The following PKNOX2 variants were observed in gnomAD, a reference collection of about 807,000 sequenced individuals.
PKNOX2 encodes homeobox protein PKNOX2.
Under a neutral mutation model 53.1 loss-of-function variants are expected in PKNOX2, and 14 were observed. The observed-to-expected ratio is 0.26, with a 90% CI of 0.17 to 0.41. The LOEUF (loss-of-function observed/expected upper bound fraction) is 0.41, where lower values mean the gene tolerates loss of function less well. PKNOX2 is among the 10% of genes least tolerant of loss of function. The probability of loss-of-function intolerance (pLI) is 1.00; values close to 1 mark genes in which losing one functional copy is unlikely to be tolerated. For synonymous variants in PKNOX2, 257 were observed against 242.8 expected, an observed-to-expected ratio of 1.06 and a Z score of -0.54; for missense variants, 496 against 602.8, an observed-to-expected ratio of 0.82 and a Z score of 1.85.
intron 1 of PKNOX2, among the ~76,000 whole-genome samples, chr11:125,185,817 C>T (rs1056316215): frequency 6.6e-6 from 1 of 152,096 alleles, no homozygotes; most frequent in African/African-American, 2.4e-5. Context: ...GCAAGTATTG[C>T]ATATCAATAC....
intron 7 of PKNOX2, among the ~76,000 whole-genome samples, chr11:125,402,602 A>G (rs2135487296): frequency 6.6e-6 from 1 of 152,322 alleles, no homozygotes; most frequent in South Asian, 2.1e-4. Context: ...AGGAGCTCCC[A>G]GTCTCAGGGA....
chr11:125,428,879 A>G, intron 10 of PKNOX2, 133 bp from the exon 11 acceptor site: 1 of 834,492 alleles, frequency 1.2e-6, no homozygotes, highest in Non-Finnish European at 1.9e-6. Flanking sequence ...CAAACATGAC[A>G]CTTCCCCAAT....
chr11:125,363,592 C>A (rs1235016770), intron 4 of PKNOX2, among the ~76,000 whole-genome samples: 3 of 152,186 alleles, frequency 2.0e-5, no homozygotes, highest in South Asian at 2.1e-4. Flanking sequence ...TCCATGCCTA[C>A]CCTAATGGCC....
chr11:125,196,896 G>A (rs1474008137), intron 1 of PKNOX2, among the ~76,000 whole-genome samples: 1 of 152,188 alleles, frequency 6.6e-6, no homozygotes, highest in Non-Finnish European at 1.5e-5. Flanking sequence ...TTTGAGAAGA[G>A]GCCTTTGTAG....
chr11:125,252,922 CTGAT>C (rs1274634503), intron 2 of PKNOX2, among the ~76,000 whole-genome samples: 1 of 152,172 alleles, frequency 6.6e-6, no homozygotes, highest in Non-Finnish European at 1.5e-5. Context: ...GAGCAGGTCA[CTGAT>C]TGGCTCCAAC....
chr11:125,421,687 G>C, intron 10 of PKNOX2, among the ~76,000 whole-genome samples: 1 of 152,376 alleles, frequency 6.6e-6, no homozygotes, highest in East Asian at 1.9e-4. Flanking sequence ...TCAGAGCAAA[G>C]GGCTATGCAC....
intron 2 of PKNOX2, among the ~76,000 whole-genome samples, chr11:125,263,105 C>T (rs961987333): frequency 6.6e-6 from 1 of 152,182 alleles, no homozygotes; most frequent in Non-Finnish European, 1.5e-5. Context: ...CGGGTGCCAG[C>T]CCTAGCTCTA....
chr11:125,316,000 G>A (rs949863946), intron 2 of PKNOX2, among the ~76,000 whole-genome samples: 4 of 152,188 alleles, frequency 2.6e-5, no homozygotes, highest in South Asian at 2.1e-4. Flanking sequence ...AGGAGGCTGC[G>A]CTGGAGTGGA....
chr11:125,362,896 C>G (rs1224469133), intron 4 of PKNOX2, among the ~76,000 whole-genome samples: 1 of 152,146 alleles, frequency 6.6e-6, no homozygotes. Flanking sequence ...TCAGCCCCAC[C>G]CAGATTTTAC....
chr11:125,359,773 C>A (rs146549948), intron 4 of PKNOX2, among the ~76,000 whole-genome samples: 117 of 152,310 alleles, frequency 7.7e-4, no homozygotes, highest in African/African-American at 2.7e-3. Context: ...CCCCAGGGGG[C>A]CAGAACACAA....
chr11:125,391,048 G>A (rs761789977), intron 6 of PKNOX2, among the ~76,000 whole-genome samples: 14 of 152,328 alleles, frequency 9.2e-5, no homozygotes, highest in East Asian at 1.9e-4. Flanking sequence ...ATCATAGCAC[G>A]TTAAGGAATG....
chr11:125,357,136 G>C (rs762414734), intron 4 of PKNOX2, among the ~76,000 whole-genome samples: 1 of 152,190 alleles, frequency 6.6e-6, no homozygotes, highest in Non-Finnish European at 1.5e-5. Flanking sequence ...CCCTTGCTTC[G>C]ACTCACCAAA....
chr11:125,393,506 G>A (rs954523624), intron 6 of PKNOX2, among the ~76,000 whole-genome samples: 21 of 152,156 alleles, frequency 1.4e-4, no homozygotes, highest in African/African-American at 5.1e-4. Flanking sequence ...AGTTTGGACT[G>A]TGCAGCCACC....
intron 4 of PKNOX2, among the ~76,000 whole-genome samples, chr11:125,362,322 C>T (rs1334623860): frequency 1.3e-5 from 2 of 152,102 alleles, no homozygotes; most frequent in Non-Finnish European, 2.9e-5. Flanking sequence ...TGATGATAAC[C>T]TACTGCACAG....
intron 1 of PKNOX2, among the ~76,000 whole-genome samples, chr11:125,224,598 G>T (rs771742460): frequency 3.3e-5 from 5 of 152,200 alleles, no homozygotes; most frequent in Non-Finnish European, 5.9e-5. Context: ...TCTCAGATTG[G>T]TGTTATACCC....
chr11:125,294,203 T>C (rs1947502433), intron 2 of PKNOX2, among the ~76,000 whole-genome samples: 1 of 152,232 alleles, frequency 6.6e-6, no homozygotes, highest in African/African-American at 2.4e-5. Flanking sequence ...CTTGAAGTTG[T>C]TTTTGATATT....
chr11:125,179,509 G>T (rs993398818), intron 1 of PKNOX2, among the ~76,000 whole-genome samples: 1 of 141,796 alleles, frequency 7.1e-6, no homozygotes, highest in Non-Finnish European at 1.5e-5. Context: ...GCATAGAGTT[G>T]AAGGCCCCCC....
chr11:125,398,560 C>T (rs768880442), intron 7 of PKNOX2, among the ~76,000 whole-genome samples: 7 of 152,226 alleles, frequency 4.6e-5, no homozygotes, highest in South Asian at 2.1e-4. Flanking sequence ...CAGGCACTCA[C>T]GCTACTCTGG....
chr11:125,174,501 G>A (rs1021064997), intron 1 of PKNOX2, among the ~76,000 whole-genome samples: 4 of 152,168 alleles, frequency 2.6e-5, no homozygotes, highest in African/African-American at 4.8e-5. Context: ...CCCCTTTCAA[G>A]TCTATTCTCC....
Sources: gnomAD v4.1 joint callset for allele counts (sites outside exome capture counted in the v4.1 genomes callset) on GRCh38, gnomAD v4.1.1 for gene constraint, MANE v1.5 for transcripts, NCBI Gene and HGNC (gene_info 2026-07-23, HGNC 2026-07-21) for gene names.